ANK3: variants seen among roughly 807,000 people sequenced by gnomAD.
ANK3 encodes the protein ankyrin-3.
Under a neutral mutation model 370.9 loss-of-function variants are expected in ANK3, and 57 were observed. The observed-to-expected ratio is 0.15, with a 90% CI of 0.12 to 0.19. ANK3 has a LOEUF of 0.19. Ranked by LOEUF, ANK3 falls within the 10% of genes least tolerant of loss-of-function variation. ANK3 has a pLI of 1.00. For synonymous variants in ANK3, 1,929 were observed against 1,946.3 expected (o/e 0.99, Z 0.23); for missense variants, 4,439 against 5,302.1 (o/e 0.84, Z 5.06).
At chr10:60,042,623 G>T in intron 43 of ANK3, 49 bp downstream of exon 43, 1 of 1,517,418 alleles carries the variant, frequency 6.6e-7, no homozygotes, top group Non-Finnish European at 9.0e-7. Flanking sequence ...AAAAATATAA[G>T]TTTCACAGGA....
chr10:60,064,229 G>A lies in ANK3; in HGVS notation c.12379C>T (p.Pro4127Ser). The change falls in exon 39 of 44, where the codon CCA becomes TCA. Residue 4127 changes from proline (P) to serine (S), a missense_variant. Pro to Ser is a moderately conservative substitution (Grantham distance 74). Around this residue, in one of 13 missense-constraint regions of ANK3, gnomAD observed 99 missense variants for 150.7 expected, o/e 0.66. Coordinates refer to ENST00000280772, the MANE Select transcript of ANK3 (RefSeq NM_020987.5). ...DEINQIRVEN[P>S]NSLISQSFML... ...AAGCTCTGAGAAATTAAAGAATTTG[G>A]ATTTTCCACACGTATTTGATTGATT... 3 of 1,580,528 alleles carry A rather than the reference G, an allele frequency of 1.9e-6. No homozygotes were observed. The highest frequency in any genetic ancestry group is 2.6e-6 in the Non-Finnish European group (3 of 1,170,124).
chr10:60,328,193 T>C (rs1454651041), intron 1 of ANK3, among the ~76,000 whole-genome samples: 1 of 152,180 alleles, frequency 6.6e-6, no homozygotes. Flanking sequence ...ATTGAAACAA[T>C]GGAAGCAAAT....
intron 2 of ANK3, among the ~76,000 whole-genome samples, chr10:60,547,323 C>A (rs1281764705): frequency 6.6e-6 from 1 of 152,158 alleles, no homozygotes; most frequent in Admixed American, 6.6e-5. Context: ...GAACTCCTGA[C>A]CTCATGATCC....
chr10:60,657,671 C>A (rs981757107), intron 1 of ANK3, among the ~76,000 whole-genome samples: 1 of 151,990 alleles, frequency 6.6e-6, no homozygotes, highest in Non-Finnish European at 1.5e-5. Context: ...TCCATATGCA[C>A]TCAAAAATAA....
intron 1 of ANK3, among the ~76,000 whole-genome samples, chr10:60,360,197 C>T (rs571027783): frequency 3.3e-5 from 5 of 152,256 alleles, no homozygotes; most frequent in South Asian, 4.1e-4. Context: ...GAGACAACTG[C>T]GCTTTTAGGC....
intron 8 of ANK3, among the ~76,000 whole-genome samples, chr10:60,231,698 C>G (rs759364329): frequency 5.9e-5 from 9 of 152,158 alleles, no homozygotes; most frequent in Non-Finnish European, 1.2e-4. Context: ...GAAGAGAACA[C>G]AAAACAGTTT....
intron 28 of ANK3, among the ~76,000 whole-genome samples, chr10:60,094,381 T>G (rs2089583015): frequency 6.6e-6 from 1 of 151,836 alleles, no homozygotes. Flanking sequence ...AGAGATGGGG[T>G]TTCACAATGT....
chr10:60,221,345 G>A (rs1052730683), intron 8 of ANK3, among the ~76,000 whole-genome samples: 2 of 152,152 alleles, frequency 1.3e-5, no homozygotes, highest in African/African-American at 2.4e-5. Flanking sequence ...CTCCCAAAGT[G>A]CTGGGATTAC....
chr10:60,083,423 C>G, intron 33 of ANK3, 69 bp downstream of exon 33: 4 of 1,490,978 alleles, frequency 2.7e-6, no homozygotes, highest in Non-Finnish European at 3.7e-6. Flanking sequence ...TCATTAAAAC[C>G]TTTTATTTTT....
rs58386273 is a variant in ANK3, at chr10:60,180,594, C to CAAAAAAAAAAAAAAAA, written c.2184+719_2184+734dup. ...CTGGTAACAGAGTGAGACTCCGTCT[C>CAAAAAAAAAAAAAAAA]AAAAAAAAAAAAAAAAAAACCAAAA... is the stretch of plus-strand genomic sequence containing the variant. On this transcript the variant is annotated intron_variant, in intron 18 of 43. Coordinates refer to ENST00000280772, the MANE Select transcript of ANK3 (RefSeq NM_020987.5). 3.5e-4 allele frequency among the ~76,000 whole-genome samples: 22 copies of CAAAAAAAAAAAAAAAA among 63,416 alleles called. 3 individuals carry two copies. Among genetic ancestry groups the CAAAAAAAAAAAAAAAA allele is most frequent in the South Asian group, 7.0e-4 (1 of 1,420 alleles). The allele number at this position is 63,416 out of a possible 152,430, so 41.6% of individuals were successfully genotyped here. A position where few individuals can be genotyped will look rare whatever the true frequency, so the allele number is the denominator to read the frequency against.
intron 1 of ANK3, among the ~76,000 whole-genome samples, chr10:60,725,033 G>A (rs1282263277): frequency 6.6e-6 from 1 of 152,012 alleles, no homozygotes; most frequent in Non-Finnish European, 1.5e-5. Flanking sequence ...TCCCACGCAG[G>A]CAGCCATTCT....
At chr10:60,402,481 T>C (rs559453003) in intron 2 of ANK3, among the ~76,000 whole-genome samples, 2 of 152,288 alleles carry the variant, frequency 1.3e-5, no homozygotes, top group African/African-American at 4.8e-5. Flanking sequence ...TGCCTTAACA[T>C]GCAGGAGACT....
chr10:60,638,051 T>A (rs1387027313), intron 1 of ANK3, among the ~76,000 whole-genome samples: 2 of 152,062 alleles, frequency 1.3e-5, no homozygotes, highest in East Asian at 3.9e-4. Context: ...CGGAAATAAT[T>A]CCAATTTGTG....
At chr10:60,631,783 G>C (rs1426381593) in intron 1 of ANK3, among the ~76,000 whole-genome samples, 3 of 152,080 alleles carry the variant, frequency 2.0e-5, no homozygotes, top group African/African-American at 7.2e-5. Context: ...ATATGGAATA[G>C]CTTAGAGAAA....
In ANK3 at chr10:60,074,257, G is replaced by A. The variant is rs2083335342; in HGVS notation, c.6624C>T (p.Thr2208=). 1 of 1,613,974 alleles carries A rather than the reference G, an allele frequency of 6.2e-7. No individual in the cohort carries two copies. The highest frequency in any genetic ancestry group is 8.5e-7 in the Non-Finnish European group (1 of 1,180,010). The change falls in exon 37 of 44, where the codon ACC becomes ACT. Residue 2208 remains threonine, a synonymous_variant. Coordinates refer to ENST00000280772, the MANE Select transcript of ANK3 (RefSeq NM_020987.5). ...TAACCTTTTCTTTAATACTAGAGGT[G>A]GTGGGCTTTGGTTCCAATTCCATAA... is the stretch of plus-strand genomic sequence containing the variant. ...PTFMELEPKP[T]TSSIKEKVKA... is the part of the protein sequence containing the mutation.
chr10:60,368,229 G>GAACA (rs1365797506), intron 1 of ANK3, among the ~76,000 whole-genome samples: 16 of 143,112 alleles, frequency 1.1e-4, no homozygotes, highest in African/African-American at 2.4e-4. Flanking sequence ...ACTAGTGCAT[G>GAACA]TACACACACA....
intron 1 of ANK3, among the ~76,000 whole-genome samples, chr10:60,351,411 G>A (rs189103912): frequency 3.0e-4 from 45 of 152,204 alleles, no homozygotes; most frequent in Non-Finnish European, 5.0e-4. Flanking sequence ...CACCCAGAAC[G>A]TACATCTGCT....
chr10:60,477,526 C>G (rs1180227159), intron 2 of ANK3, among the ~76,000 whole-genome samples: 7 of 139,230 alleles, frequency 5.0e-5, no homozygotes, highest in African/African-American at 1.8e-4. Context: ...TACACACACA[C>G]ACACACACAC....
At chr10:60,709,922 A>C (rs1297901658) in intron 1 of ANK3, among the ~76,000 whole-genome samples, 1 of 152,204 alleles carries the variant, frequency 6.6e-6, no homozygotes, top group Admixed American at 6.5e-5. Flanking sequence ...TAGGTTTACA[A>C]CATCTGTTTA....
Sources: allele counts gnomAD v4.1 joint callset (sites outside exome capture counted in the v4.1 genomes callset), GRCh38; gene constraint gnomAD v4.1.1; regional missense constraint gnomAD v4.1.1; transcripts MANE v1.5; gene names NCBI Gene and HGNC (gene_info 2026-07-23, HGNC 2026-07-21).